RIN2: variants seen among roughly 807,000 people sequenced by gnomAD.
The protein encoded by RIN2 is RAB5 interacting protein 2.
RIN2 carries 36 observed loss-of-function variants against 78.0 expected under a neutral mutation model. That is an observed-to-expected ratio of 0.46 (90% CI 0.35 to 0.61). The LOEUF (loss-of-function observed/expected upper bound fraction) is 0.61, where lower values mean the gene tolerates loss of function less well. Among genes scored for constraint, RIN2 ranks in the 20% least tolerant of loss-of-function variants. The probability of loss-of-function intolerance (pLI) is 0.00; values close to 1 mark genes in which losing one functional copy is unlikely to be tolerated. For synonymous variants in RIN2, 466 were observed against 466.8 expected, an observed-to-expected ratio of 1.00 and a Z score of 0.02; for missense variants, 1,087 against 1,159.7, an observed-to-expected ratio of 0.94 and a Z score of 0.91.
At chr20:19,941,828 A>G (rs1333488764) in intron 4 of RIN2, among the ~76,000 whole-genome samples, 2 of 152,160 alleles carry the variant, frequency 1.3e-5, no homozygotes, top group Non-Finnish European at 2.9e-5. Context: ...TAAAGAAAAT[A>G]TTTAAGCCGG....
Position 19,975,620 on chromosome 20 carries a change from T to C in RIN2, c.1595T>C (p.Leu532Ser). Residue 532 changes from leucine to serine, a missense_variant, in exon 9 of 13, where the codon TTA becomes TCA. Coordinates refer to ENST00000255006, the MANE Select transcript of RIN2 (RefSeq NM_018993.4). This position sits in a 1 kb window ranked among gnomAD's most constrained non-coding sequence, Gnocchi z 4.9. ...GACAAATGCACCTACTTCGGGTGCT[T>C]AGTGCAGGACTACGTGAGCTTCCTG... ...SRDKCTYFGC[L>S]VQDYVSFLQE... 1 of 1,613,924 alleles carries C rather than the reference T, an allele frequency of 6.2e-7. No homozygotes were observed.
At chr20:19,808,549 A>G (rs1452793549) in intron 2 of RIN2, among the ~76,000 whole-genome samples, 1 of 152,202 alleles carries the variant, frequency 6.6e-6, no homozygotes, top group Non-Finnish European at 1.5e-5. Flanking sequence ...TCAGGGACAC[A>G]GTTTTCTAAA....
At chr20:19,897,211 T>C (rs2038772920) in intron 3 of RIN2, among the ~76,000 whole-genome samples, 1 of 152,172 alleles carries the variant, frequency 6.6e-6, no homozygotes, top group Non-Finnish European at 1.5e-5. Flanking sequence ...GTTCAAGTGA[T>C]TCTCCTGCCT....
chr20:19,864,638 A>C (rs1284752410), intron 2 of RIN2, among the ~76,000 whole-genome samples: 1 of 152,208 alleles, frequency 6.6e-6, no homozygotes, highest in East Asian at 1.9e-4. Context: ...CGTGGGGTTA[A>C]AGACTTATTA....
intron 4 of RIN2, among the ~76,000 whole-genome samples, chr20:19,953,935 A>C (rs2041428693): frequency 6.6e-6 from 1 of 152,242 alleles, no homozygotes; most frequent in Admixed American, 6.5e-5. Context: ...AGAGTCTCCT[A>C]CCTGGAAATT....
chr20:19,929,524 GC>G (rs1211919702), intron 3 of RIN2, among the ~76,000 whole-genome samples: 5 of 152,250 alleles, frequency 3.3e-5, no homozygotes, highest in Non-Finnish European at 7.4e-5. Flanking sequence ...ACCATACCCA[GC>G]GAATTTTTGC....
intron 3 of RIN2, among the ~76,000 whole-genome samples, chr20:19,925,105 A>C (rs2040175705): frequency 6.6e-6 from 1 of 151,766 alleles, no homozygotes; most frequent in Admixed American, 6.6e-5. Flanking sequence ...TGGAAAAAAA[A>C]AAAAAAAAAG....
chr20:19,983,982 A>G (rs1454171677), intron 9 of RIN2, among the ~76,000 whole-genome samples: 1 of 151,604 alleles, frequency 6.6e-6, no homozygotes, highest in Non-Finnish European at 1.5e-5. Flanking sequence ...TGCACCCATT[A>G]ACTCATCATT....
intron 1 of RIN2, among the ~76,000 whole-genome samples, chr20:19,793,083 A>G (rs1345772887): frequency 6.6e-6 from 1 of 152,152 alleles, no homozygotes; most frequent in Non-Finnish European, 1.5e-5. Context: ...GAATTATTCC[A>G]TCAGGCAGCA....
intron 3 of RIN2, among the ~76,000 whole-genome samples, chr20:19,926,256 A>G (rs2040215470): frequency 6.6e-6 from 1 of 152,234 alleles, no homozygotes; most frequent in African/African-American, 2.4e-5. Context: ...TAATTAAAAT[A>G]TATTCATTTG....
At chr20:19,953,481 C>A (rs1010040700) in intron 4 of RIN2, among the ~76,000 whole-genome samples, 2 of 151,670 alleles carry the variant, frequency 1.3e-5, no homozygotes, top group Admixed American at 1.3e-4. Flanking sequence ...GCTCTGTTGC[C>A]CAGCCTGGAG....
In RIN2 at chr20:19,859,145, C is replaced by G. The variant is rs541020305; in HGVS notation, c.-36-30421C>G. On this transcript the variant is annotated intron_variant, in intron 2 of 12. Coordinates refer to ENST00000255006, the MANE Select transcript of RIN2 (RefSeq NM_018993.4). ...GAATGTTGGGACTACATTGATGAAT[C>G]AGAGTCTCCTTAGAGGCACTAATTG... 9.0e-4 allele frequency among the ~76,000 whole-genome samples: 137 copies of G among 152,192 alleles called. 1 individual carries two copies. The highest frequency in any genetic ancestry group is 1.7e-3 in the Non-Finnish European group (113 of 68,036).
chr20:19,850,990 AAAGG>A (rs199637524), intron 2 of RIN2, among the ~76,000 whole-genome samples: 17,014 of 98,940 alleles, frequency 0.17, 1,701 homozygotes, highest in Non-Finnish European at 0.19. Context: ...GAAAGGGAGA[AAAGG>A]AAGGAAGGAA....
rs550144325 is a variant in RIN2, at chr20:19,771,693, A to G, written c.-163+13366A>G. On this transcript the variant is annotated intron_variant, in intron 1 of 12. Transcript: ENST00000255006. Reference sequence around the variant, plus strand: ...ATAGGAGTGAAGGAGAGTTTGGGGAACTAACACTGCTTTGGTATTTCCTTT... The same window carrying G: ...ATAGGAGTGAAGGAGAGTTTGGGGAGCTAACACTGCTTTGGTATTTCCTTT... Among the ~76,000 whole-genome samples, 6 of 152,332 alleles carry G rather than the reference A, an allele frequency of 3.9e-5. No homozygotes were observed. The East Asian group carries it at 1.2e-3, about 29-fold the overall frequency.
chr20:19,770,884 C>CG (rs1491058933), intron 1 of RIN2, among the ~76,000 whole-genome samples: 1 of 136,368 alleles, frequency 7.3e-6, no homozygotes, highest in African/African-American at 2.7e-5. Flanking sequence ...CCCCCCCCCC[C>CG]CACCTTCCCA....
chr20:19,968,833 C>G (rs2042017139), intron 7 of RIN2, among the ~76,000 whole-genome samples: 1 of 152,072 alleles, frequency 6.6e-6, no homozygotes, highest in Non-Finnish European at 1.5e-5. Flanking sequence ...TTGTGGTTCC[C>G]ATTAATCTTC....
chr20:19,890,791 C>A (rs2038423941), intron 3 of RIN2, among the ~76,000 whole-genome samples: 3 of 150,842 alleles, frequency 2.0e-5, no homozygotes, highest in East Asian at 4.0e-4. Context: ...TTATTCATGT[C>A]TAAGCCAGGG....
At chr20:19,810,694 T>C (rs2035564025) in intron 2 of RIN2, among the ~76,000 whole-genome samples, 1 of 103,678 alleles carries the variant, frequency 9.6e-6, no homozygotes, top group Non-Finnish European at 1.9e-5. Flanking sequence ...TTTTTTTTTT[T>C]TTTTTTTTTT....
chr20:19,935,945 C>T lies in RIN2; in HGVS notation c.158+746C>T, dbSNP rs550338688. ...TTTGTTAACAGCTTCCCCTTTCTCC[C>T]AGAAAGTGGGGCTGAGCCTGCCTGG... On this transcript the variant is annotated intron_variant, in intron 4 of 12. Transcript: ENST00000255006. 5.3e-5 allele frequency among the ~76,000 whole-genome samples: 8 copies of T among 152,304 alleles called. No homozygotes were observed. In the South Asian group the frequency reaches 1.5e-3, roughly 28 times the overall value.
Sources: gnomAD v4.1 joint callset for allele counts (sites outside exome capture counted in the v4.1 genomes callset) on GRCh38, gnomAD v4.1.1 for gene constraint, Gnocchi (gnomAD v3.1) non-coding constraint, MANE v1.5 for transcripts, NCBI Gene and HGNC (gene_info 2026-07-23, HGNC 2026-07-21) for gene names.